Variants in CFAP299 observed in about 807,000 individuals in gnomAD.
CFAP299 encodes the protein cilia- and flagella-associated protein 299.
Under a neutral mutation model 27.0 loss-of-function variants are expected in CFAP299, and 21 were observed. The ratio of observed to expected loss-of-function variants is 0.78; its 90% confidence interval spans 0.55 to 1.12. The LOEUF (loss-of-function observed/expected upper bound fraction) is 1.12. Ranked by LOEUF, CFAP299 falls within the 50% of genes most tolerant of loss-of-function variation. CFAP299 has a pLI of 0.00. For synonymous variants in CFAP299, 104 were observed against 98.1 expected, an observed-to-expected ratio of 1.06 and a Z score of -0.36; for missense variants, 310 against 276.6, an observed-to-expected ratio of 1.12 and a Z score of -0.86.
chr4:80,506,734 C>A (rs755573527), intron 2 of CFAP299, among the ~76,000 whole-genome samples: 12 of 152,090 alleles, frequency 7.9e-5, no homozygotes, highest in Non-Finnish European at 1.3e-4. Flanking sequence ...AATTCTTTAT[C>A]CCACTCTCAT....
intron 3 of CFAP299, among the ~76,000 whole-genome samples, chr4:80,835,711 G>A (rs1730527253): frequency 6.6e-6 from 1 of 152,150 alleles, no homozygotes. Flanking sequence ...GCAGCAGAGG[G>A]AAATTAAACA....
At chr4:80,851,297 T>C (rs1731508067) in intron 3 of CFAP299, among the ~76,000 whole-genome samples, 1 of 152,152 alleles carries the variant, frequency 6.6e-6, no homozygotes, top group Non-Finnish European at 1.5e-5. Context: ...CAACAAATAT[T>C]TTTAAGCATC....
intron 2 of CFAP299, among the ~76,000 whole-genome samples, chr4:80,552,179 A>G (rs192034048): frequency 2.2e-3 from 330 of 152,346 alleles, no homozygotes; most frequent in Non-Finnish European, 3.4e-3. Flanking sequence ...GGGACAATAT[A>G]ACTGATAAGT....
At chr4:80,429,573 T>C (rs1727706754) in intron 2 of CFAP299, among the ~76,000 whole-genome samples, 1 of 152,164 alleles carries the variant, frequency 6.6e-6, no homozygotes, top group Admixed American at 6.5e-5. Context: ...TATGGAAATT[T>C]TATACATCTT....
rs117357871 is a variant in CFAP299 at position 80,763,425 on chromosome 4, C to T, written c.334-106568C>T. 8.3e-4 allele frequency among the ~76,000 whole-genome samples: 127 copies of T among 152,170 alleles called. 3 individuals are homozygous for T. In the East Asian group the frequency reaches 0.023, roughly 27 times the overall value. On this transcript the variant is annotated intron_variant, in intron 3 of 5. Coordinates refer to ENST00000358105, the MANE Select transcript of CFAP299 (RefSeq NM_152770.3). ...ACGTGAAGGACCTCTTCAAGGACAA[C>T]TACAAACCACCTCCCAAGGAAATAA... is the stretch of plus-strand genomic sequence containing the variant.
chr4:80,851,438 G>A (rs1347984352), intron 3 of CFAP299, among the ~76,000 whole-genome samples: 1 of 152,062 alleles, frequency 6.6e-6, no homozygotes, highest in African/African-American at 2.4e-5. Flanking sequence ...AAGACACTAT[G>A]CATTTCATTA....
intron 2 of CFAP299, among the ~76,000 whole-genome samples, chr4:80,377,331 AT>A (rs1218024907): frequency 6.6e-6 from 1 of 152,064 alleles, no homozygotes; most frequent in African/African-American, 2.4e-5. Context: ...TTATTTTCTA[AT>A]TTAAATATCC....
intron 3 of CFAP299, among the ~76,000 whole-genome samples, chr4:80,722,117 C>G (rs1427572136): frequency 1.3e-5 from 2 of 151,984 alleles, no homozygotes; most frequent in Non-Finnish European, 2.9e-5. Context: ...ATAATTTTAC[C>G]ATATATAGAA....
chr4:80,368,211 T>A (rs1295856502), intron 2 of CFAP299, among the ~76,000 whole-genome samples: 1 of 152,128 alleles, frequency 6.6e-6, no homozygotes, highest in Non-Finnish European at 1.5e-5. Flanking sequence ...ATTAGATAAG[T>A]CTTTGGGAAT....
intron 3 of CFAP299, among the ~76,000 whole-genome samples, chr4:80,746,259 G>C (rs1485097954): frequency 6.6e-6 from 1 of 151,918 alleles, no homozygotes; most frequent in Non-Finnish European, 1.5e-5. Flanking sequence ...AAGAAATGGA[G>C]CATGCTATGT....
At chr4:80,809,315 G>T (rs1729021592) in intron 3 of CFAP299, among the ~76,000 whole-genome samples, 1 of 152,124 alleles carries the variant, frequency 6.6e-6, no homozygotes, top group Non-Finnish European at 1.5e-5. Flanking sequence ...TCCTTCGGGT[G>T]GGAACAGGAG....
intron 4 of CFAP299, among the ~76,000 whole-genome samples, chr4:80,894,175 C>T (rs1734493904): frequency 6.6e-6 from 1 of 151,896 alleles, no homozygotes; most frequent in Non-Finnish European, 1.5e-5. Context: ...AATATCACCT[C>T]ACACTTGTTA....
Position 80,699,062 on chromosome 4 carries a change from G to A in CFAP299, c.333+115879G>A, listed in dbSNP as rs116483574. On this transcript the variant is annotated intron_variant, in intron 3 of 5. Transcript: ENST00000358105. ...TATTTCTGGCATAATTTAAATTTCT[G>A]TAGTCCCTATAAGCTTATTGGTACT... Among the ~76,000 whole-genome samples the A allele has an allele frequency of 5.3e-3, 802 of 152,256 alleles. 4 individuals are homozygous for A. The highest frequency in any genetic ancestry group is 0.018 in the African/African-American group (766 of 41,544).
At chr4:80,797,908 T>G (rs1180037755) in intron 3 of CFAP299, among the ~76,000 whole-genome samples, 3 of 152,146 alleles carry the variant, frequency 2.0e-5, no homozygotes, top group Admixed American at 2.0e-4. Flanking sequence ...TAATCCATAT[T>G]TCAGCTAACC....
chr4:80,357,101 G>GT (rs1426339773), intron 1 of CFAP299, among the ~76,000 whole-genome samples: 4 of 152,126 alleles, frequency 2.6e-5, no homozygotes, highest in African/African-American at 7.2e-5. Context: ...TAATCATGTG[G>GT]TTTTTTGTCT....
intron 2 of CFAP299, among the ~76,000 whole-genome samples, chr4:80,457,840 T>C (rs1729241887): frequency 2.0e-5 from 3 of 152,186 alleles, no homozygotes; most frequent in Admixed American, 2.0e-4. Context: ...TACTTATTTA[T>C]CCATGTTTTG....
At position 80,669,720 on chromosome 4, in the gene CFAP299, A is replaced by G. The variant is rs562869464; in HGVS notation, c.333+86537A>G. Among the ~76,000 whole-genome samples, 767 of 152,006 alleles carry G rather than the reference A, an allele frequency of 5.0e-3. 5 individuals are homozygous for G. Among genetic ancestry groups the G allele is most frequent in the Middle Eastern group, 0.02 (6 of 294 alleles). On this transcript the variant is annotated intron_variant, in intron 3 of 5. Transcript: ENST00000358105. ...CTCACTGCTCTGGTGAGAACTTCTA[A>G]TATTATGCTGAATATAAGTGGTGAA...
chr4:80,404,531 A>C (rs1726319755), intron 2 of CFAP299, among the ~76,000 whole-genome samples: 1 of 152,226 alleles, frequency 6.6e-6, no homozygotes. Flanking sequence ...AAGTGGAATC[A>C]CACAGTATTG....
chr4:80,411,434 T>C (rs1726714755), intron 2 of CFAP299, among the ~76,000 whole-genome samples: 4 of 152,140 alleles, frequency 2.6e-5, no homozygotes, highest in Non-Finnish European at 2.9e-5. Context: ...AAATATATAG[T>C]ACTGGGAAAA....
Sources: gnomAD v4.1 joint callset for allele counts (sites outside exome capture counted in the v4.1 genomes callset) on GRCh38, gnomAD v4.1.1 for gene constraint, MANE v1.5 for transcripts, NCBI Gene and HGNC (gene_info 2026-07-23, HGNC 2026-07-21) for gene names.